TECPR1: variants seen among roughly 807,000 people sequenced by gnomAD.
The protein encoded by TECPR1 is tectonin beta-propeller repeat-containing protein 1.
In TECPR1, 122 loss-of-function variants were observed where a neutral mutation model predicts 162.4. That is an observed-to-expected ratio of 0.75 (90% CI 0.65 to 0.87). TECPR1 has a LOEUF of 0.87. Among genes scored for constraint, TECPR1 ranks in the 40% least tolerant of loss-of-function variants. The pLI is 0.00. For synonymous variants in TECPR1, 642 were observed against 670.6 expected, an observed-to-expected ratio of 0.96 and a Z score of 0.66; for missense variants, 1,432 against 1,618.2, an observed-to-expected ratio of 0.88 and a Z score of 1.97.
intron 3 of TECPR1, among the ~76,000 whole-genome samples, chr7:98,245,560 C>T (rs993197294): frequency 6.6e-6 from 1 of 152,214 alleles, no homozygotes; most frequent in Non-Finnish European, 1.5e-5. Context: ...CAGCCTTGAC[C>T]TCCCTGGCTC....
At chr7:98,224,697 G>C in intron 19 of TECPR1, 104 bp downstream of exon 19, 2 of 1,161,546 alleles carry the variant, frequency 1.7e-6, no homozygotes, top group Admixed American at 2.4e-5. Context: ...CCAGGCCTAG[G>C]GGGCAGGGTT....
rs1404749291 is a variant in TECPR1 at position 98,231,470 on chromosome 7, C to T, written c.1975-97G>A. On this transcript the variant is annotated intron_variant, in intron 13 of 25. Coordinates refer to ENST00000447648, the MANE Select transcript of TECPR1 (RefSeq NM_015395.3). Reference sequence around the variant, plus strand: ...TGCTTCACCCTGGGACCCTGGCCCTCGGACACCCTCTCTCCTGGCACCCCC... The same window carrying T: ...TGCTTCACCCTGGGACCCTGGCCCTTGGACACCCTCTCTCCTGGCACCCCC... 1.2e-5 allele frequency: 16 copies of T among 1,330,300 alleles called. No individual in the cohort carries two copies. In the Admixed American group the frequency reaches 2.2e-4, roughly 19 times the overall value. 82.4% of individuals were successfully genotyped at this position (1,330,300 alleles called of 1,614,324 possible).
intron 5 of TECPR1, among the ~76,000 whole-genome samples, chr7:98,244,304 AG>A (rs1307674090): frequency 2.0e-5 from 3 of 152,224 alleles, no homozygotes; most frequent in Admixed American, 1.3e-4. Context: ...ATGGAGGCTC[AG>A]TCTGGGACAG....
chr7:98,245,075 C>A lies in TECPR1; in HGVS notation c.226-8G>T. The A allele has an allele frequency of 6.4e-7, 1 of 1,571,878 alleles. No individual in the cohort carries two copies. The highest frequency in any genetic ancestry group is 8.6e-7 in the Non-Finnish European group (1 of 1,159,596). ...GCCCATGGGATTCCAGCGCTGAGGG[C>A]CGGGGACACAGAGGCGGCCTTGGAC... On this transcript the variant is annotated splice_polypyrimidine_tract_variant and splice_region_variant and intron_variant, in intron 3 of 25. Transcript: ENST00000447648.
chr7:98,246,060 C>T lies in TECPR1; in HGVS notation c.87G>A (p.Lys29=), dbSNP rs1798900022. 6.4e-7 allele frequency: 1 copy of T among 1,574,084 alleles called. No homozygotes were observed. Among genetic ancestry groups the T allele is most frequent in the Admixed American group, 1.9e-5 (1 of 53,874 alleles). Residue 29 remains lysine, a synonymous_variant, in exon 3 of 26, where the codon AAG becomes AAA. Coordinates refer to ENST00000447648, the MANE Select transcript of TECPR1 (RefSeq NM_015395.3). ...STAGQYWEMC[K]DSQLEFKRVS... is the part of the protein sequence containing the mutation. ...CGCGCTTGAACTCCAGCTGGGAGTC[C>T]TTGCACATTTCCCAGTACTGGCCTG...
intron 6 of TECPR1, among the ~76,000 whole-genome samples, chr7:98,242,872 C>G (rs1798794521): frequency 9.5e-6 from 1 of 105,534 alleles, no homozygotes; most frequent in Non-Finnish European, 2.1e-5. Flanking sequence ...ATATACCCAC[C>G]TATCCATCTA....
intron 10 of TECPR1, among the ~76,000 whole-genome samples, chr7:98,235,849 A>AAAAAAAAAAACAAAAAAAAACAAC: frequency 9.1e-6 from 1 of 110,258 alleles, no homozygotes. Flanking sequence ...AAAAAAAAAA[A>AAAAAAAAAAACAAAAAAAAACAAC]AACACCATCT....
Position 98,229,108 on chromosome 7 carries a change from C to A in TECPR1, c.2341G>T (p.Val781Leu). The part of the protein sequence containing the change: ...RMVEANSRGV[V>L]WGIGYDHTAW... ...GTGTGGTCATAGCCGATGCCCCACACCACGCCCCGGCTGTTGGCCTCCACC... is the reference window on the plus strand; with the variant it reads ...GTGTGGTCATAGCCGATGCCCCACAACACGCCCCGGCTGTTGGCCTCCACC... Residue 781 changes from valine to leucine, a missense_variant, in exon 16 of 26, where the codon GTG (valine) becomes TTG (leucine). Val to Leu is a conservative substitution (Grantham distance 32). Coordinates refer to ENST00000447648, the MANE Select transcript of TECPR1 (RefSeq NM_015395.3). The A allele has an allele frequency of 6.4e-7, 1 of 1,574,536 alleles. No individual in the cohort carries two copies. Among genetic ancestry groups the A allele is most frequent in the South Asian group, 1.2e-5 (1 of 85,852 alleles).
intron 6 of TECPR1, 123 bp downstream of exon 6, chr7:98,243,344 G>A (rs1201775726): frequency 1.9e-5 from 26 of 1,350,458 alleles, no homozygotes; most frequent in African/African-American, 4.3e-5. Flanking sequence ...GAAAGGCCAG[G>A]AGCAGGCATG....
intron 10 of TECPR1, among the ~76,000 whole-genome samples, chr7:98,234,705 C>CTTTTTT (rs34332931): frequency 9.5e-5 from 7 of 73,490 alleles, no homozygotes; most frequent in Admixed American, 3.5e-4. Flanking sequence ...TTGTTATTGT[C>CTTTTTT]TTTTTTTTTT....
At chr7:98,217,602 A>T in intron 25 of TECPR1, 90 bp downstream of exon 25, 1 of 1,532,518 alleles carries the variant, frequency 6.5e-7, no homozygotes, top group Non-Finnish European at 8.8e-7. Context: ...ACCGGGTCCC[A>T]GGGGACAGTC....
chr7:98,240,682 T>C (rs1344020308), intron 8 of TECPR1, among the ~76,000 whole-genome samples, 169 bp downstream of exon 8: 1 of 152,036 alleles, frequency 6.6e-6, no homozygotes. Flanking sequence ...CCCGATGTGC[T>C]GGGATTACAG....
intron 22 of TECPR1, 128 bp downstream of exon 22, chr7:98,222,258 G>A (rs1798159877): frequency 9.7e-6 from 13 of 1,337,858 alleles, no homozygotes; most frequent in Non-Finnish European, 1.2e-5. Context: ...AGTCCCAGTG[G>A]GAGGGGGACT....
rs749785945 is a variant in TECPR1 at position 98,217,429 on chromosome 7, C to T, written c.3459G>A (p.Pro1153=). 8.7e-6 allele frequency: 14 copies of T among 1,607,144 alleles called. No individual in the cohort carries two copies. Among genetic ancestry groups the T allele is most frequent in the South Asian group, 7.7e-5 (7 of 90,436 alleles). ...GGCCATGGGCCTCTGGTGGGGCACT[C>T]GGCTCCTGCTCCTGGGACGAGCTCC... ...APRSSSQEQE[P]SAPPEAHGPV... The change falls in exon 26 of 26, where the codon CCG becomes CCA. Residue 1153 remains proline, a synonymous_variant. Coordinates refer to ENST00000447648, the MANE Select transcript of TECPR1 (RefSeq NM_015395.3).
chr7:98,223,300 G>T, intron 20 of TECPR1, 130 bp from the exon 21 acceptor site: 2 of 909,994 alleles, frequency 2.2e-6, no homozygotes, highest in South Asian at 1.8e-5. Flanking sequence ...GCCCAGAGGT[G>T]GCCTCCTCCC....
At chr7:98,242,455 A>T (rs1027488226) in intron 6 of TECPR1, among the ~76,000 whole-genome samples, 40 of 150,128 alleles carry the variant, frequency 2.7e-4, no homozygotes, top group African/African-American at 9.9e-4. Flanking sequence ...ACATCTGTCC[A>T]CCTGCACACA....
In TECPR1 at chr7:98,235,827, CAAAAA is replaced by C. The variant is rs765569294; in HGVS notation, c.1181+944_1181+948del. Among the ~76,000 whole-genome samples the C allele has an allele frequency of 1.3e-3, 49 of 36,658 alleles. 1 individual carries two copies. The highest frequency in any genetic ancestry group is 5.9e-3 in the South Asian group (10 of 1,696). The allele number at this position is 36,658 out of a possible 152,430, so 24.0% of individuals were successfully genotyped here. On this transcript the variant is annotated intron_variant, in intron 10 of 25. Transcript: ENST00000447648. ...CCTGGATGACAGAGTGAGACTGTCT[CAAAAA>C]AAAAAAAAAAAAAAAAAAACACCAT...
rs1798894093 is a variant in TECPR1 at position 98,245,926 on chromosome 7, T to C, written c.221A>G (p.Asn74Ser). 2 of 1,596,390 alleles carry C rather than the reference T, an allele frequency of 1.3e-6. No homozygotes were observed. Among genetic ancestry groups the C allele is most frequent in the East Asian group, 2.3e-5 (1 of 44,044 alleles). Reference sequence around the variant, plus strand: ...TCCAACCATGAGGGTCACTACCTGATTCTCATAGGCCTCCTCTCGGCGGCG... The same window carrying C: ...TCCAACCATGAGGGTCACTACCTGACTCTCATAGGCCTCCTCTCGGCGGCG... ...PIRRREEAYE[N>S]QRWNPMGGFC... is the part of the protein sequence containing the mutation. The change falls in exon 3 of 26, where the codon AAT becomes AGT. Residue 74 changes from asparagine to serine, a missense_variant. Coordinates refer to ENST00000447648, the MANE Select transcript of TECPR1 (RefSeq NM_015395.3).
chr7:98,231,952 C>G lies in TECPR1; in HGVS notation c.1826G>C (p.Trp609Ser). 1 of 1,604,006 alleles carries G rather than the reference C, an allele frequency of 6.2e-7. No individual in the cohort carries two copies. The highest frequency in any genetic ancestry group is 2.2e-5 in the East Asian group (1 of 44,820). The change falls in exon 13 of 26, where the codon TGG (tryptophan) becomes TCG (serine). Residue 609 changes from tryptophan to serine, a missense_variant. Coordinates refer to ENST00000447648, the MANE Select transcript of TECPR1 (RefSeq NM_015395.3). ...CCACTGCAGCGCCCCGGTCTTCACC[C>G]ACACCGACTGCGCAGGCCGGGGCAG... ...HYEQAVEQSV[W>S]VKTGALQWWC...
Sources: allele counts gnomAD v4.1 joint callset (sites outside exome capture counted in the v4.1 genomes callset), GRCh38; gene constraint gnomAD v4.1.1; transcripts MANE v1.5; gene names NCBI Gene and HGNC (gene_info 2026-07-23, HGNC 2026-07-21).